Variants in ADARB2 observed in about 807,000 individuals in gnomAD.
ADARB2 encodes inactive double-stranded RNA-specific editase B2.
ADARB2 carries 25 observed loss-of-function variants against 62.2 expected under a neutral mutation model. The ratio of observed to expected loss-of-function variants is 0.40; its 90% CI spans 0.29 to 0.56. The LOEUF (loss-of-function observed/expected upper bound fraction) is 0.56. Among genes scored for constraint, ADARB2 ranks in the 20% least tolerant of loss-of-function variants. The pLI is 0.43. For missense variants in ADARB2, 1,071 were observed against 1,077.4 expected, an observed-to-expected ratio of 0.99 and a Z score of 0.08; for synonymous variants, 572 against 500.8, an observed-to-expected ratio of 1.14 and a Z score of -1.90.
chr10:1,600,334 ATTG>A (rs1179400842), intron 1 of ADARB2, among the ~76,000 whole-genome samples: 1 of 152,052 alleles, frequency 6.6e-6, no homozygotes, highest in African/African-American at 2.4e-5. Flanking sequence ...GTCCAATCCT[ATTG>A]TTAACACCTG....
chr10:1,258,501 T>C lies in ADARB2; in HGVS notation c.1192+12454A>G, dbSNP rs181287236. 1.6e-3 allele frequency among the ~76,000 whole-genome samples: 237 copies of C among 152,322 alleles called. 1 individual carries two copies. The highest frequency in any genetic ancestry group is 1.1e-3 in the Non-Finnish European group (77 of 68,022). On this transcript the variant is annotated intron_variant, in intron 4 of 9. Coordinates refer to ENST00000381312, the MANE Select transcript of ADARB2 (RefSeq NM_018702.4). Reference sequence around the variant, plus strand: ...CAAACAAAGGCAGGGGTTGCAATCCTAGTCTCTAATAAAACAGTCTTTAAA... The same window carrying C: ...CAAACAAAGGCAGGGGTTGCAATCCCAGTCTCTAATAAAACAGTCTTTAAA...
chr10:1,613,277 G>T (rs1833593242), intron 1 of ADARB2, among the ~76,000 whole-genome samples: 1 of 152,176 alleles, frequency 6.6e-6, no homozygotes, highest in African/African-American at 2.4e-5. Flanking sequence ...TGTGTCTTGT[G>T]TGGTCAGTTG....
chr10:1,695,134 C>G (rs1479903005), intron 1 of ADARB2, among the ~76,000 whole-genome samples: 1 of 152,190 alleles, frequency 6.6e-6, no homozygotes, highest in Admixed American at 6.5e-5. Flanking sequence ...GGTTCACTCA[C>G]CACCAGCAGC....
intron 1 of ADARB2, 97 bp from the exon 2 acceptor site, chr10:1,379,257 G>A (rs1022063800): frequency 6.9e-5 from 67 of 972,638 alleles, no homozygotes; most frequent in Non-Finnish European, 9.4e-5. Context: ...GGACAAGGGA[G>A]GTGGAGAGGT....
chr10:1,572,023 G>T (rs1393459303), intron 1 of ADARB2, among the ~76,000 whole-genome samples: 1 of 145,742 alleles, frequency 6.9e-6, no homozygotes, highest in Non-Finnish European at 1.5e-5. Context: ...GGAAAGGTGA[G>T]TAGGCAAGTG....
intron 1 of ADARB2, among the ~76,000 whole-genome samples, chr10:1,598,935 G>T (rs756429880): frequency 2.6e-5 from 4 of 152,230 alleles, no homozygotes; most frequent in African/African-American, 9.6e-5. Context: ...GCCCAGGGCC[G>T]CGGTGCACAC....
chr10:1,614,910 C>CAAAA (rs4002271), intron 1 of ADARB2, among the ~76,000 whole-genome samples: 19,137 of 147,596 alleles, frequency 0.13, 1,306 homozygotes, highest in Non-Finnish European at 0.15. Flanking sequence ...GACTCTGACT[C>CAAAA]AAAAAAAAAT....
intron 1 of ADARB2, among the ~76,000 whole-genome samples, chr10:1,565,338 G>C (rs4622182): frequency 6.6e-6 from 1 of 152,100 alleles, no homozygotes; most frequent in African/African-American, 2.4e-5. Context: ...AACACAGATC[G>C]AATGCGTCTT....
rs1157886982 is a variant in ADARB2, at chr10:1,398,218, C to T, written c.101-19058G>A. ...CTTCCTGGGTCACCATCAGTCTCTC[C>T]CCTCCCGAGTGCAGGCTTCCTGGGT... On this transcript the variant is annotated intron_variant, in intron 1 of 9. Coordinates refer to ENST00000381312, the MANE Select transcript of ADARB2 (RefSeq NM_018702.4). The surrounding 1 kb of genome is among the most constrained non-coding windows in gnomAD (Gnocchi z 4.1). Among the ~76,000 whole-genome samples the T allele has an allele frequency of 6.6e-6, 1 of 151,162 alleles. No individual in the cohort carries two copies. Among genetic ancestry groups the T allele is most frequent in the Non-Finnish European group, 1.5e-5 (1 of 67,814 alleles).
At chr10:1,622,304 A>G (rs1833713080) in intron 1 of ADARB2, among the ~76,000 whole-genome samples, 1 of 152,246 alleles carries the variant, frequency 6.6e-6, no homozygotes. Flanking sequence ...TAGACACAAC[A>G]TAAAAGGCAC....
intron 5 of ADARB2, among the ~76,000 whole-genome samples, chr10:1,241,166 G>A (rs1422137332): frequency 6.6e-6 from 1 of 152,164 alleles, no homozygotes. Context: ...GGTTGAGGTG[G>A]GAGAATTGCT....
At chr10:1,435,967 G>A (rs1830830962) in intron 1 of ADARB2, among the ~76,000 whole-genome samples, 1 of 152,230 alleles carries the variant, frequency 6.6e-6, no homozygotes, top group South Asian at 2.1e-4. Flanking sequence ...TCTTGACAAT[G>A]TTTGTCTTCT....
chr10:1,194,106 T>C (rs2131738655), intron 8 of ADARB2, among the ~76,000 whole-genome samples: 1 of 152,350 alleles, frequency 6.6e-6, no homozygotes, highest in South Asian at 2.1e-4. Flanking sequence ...GTGTGATGGT[T>C]CATTTTATGT....
intron 1 of ADARB2, among the ~76,000 whole-genome samples, chr10:1,455,594 T>C (rs1277446264): frequency 6.6e-6 from 1 of 152,232 alleles, no homozygotes; most frequent in African/African-American, 2.4e-5. Context: ...AAGTTTAATG[T>C]GTTCGATCCA....
intron 1 of ADARB2, among the ~76,000 whole-genome samples, chr10:1,592,379 C>CT (rs1564341071): frequency 2.3e-4 from 11 of 47,448 alleles, no homozygotes; most frequent in Admixed American, 5.2e-4. Flanking sequence ...TGTCACCCAG[C>CT]TCCCTTCGCC....
At chr10:1,699,201 C>A (rs1834788871) in intron 1 of ADARB2, among the ~76,000 whole-genome samples, 2 of 152,030 alleles carry the variant, frequency 1.3e-5, no homozygotes, top group African/African-American at 4.8e-5. Context: ...CTCACCAATA[C>A]ACGCAATCCC....
chr10:1,406,093 G>A (rs1832706189), intron 1 of ADARB2, among the ~76,000 whole-genome samples: 1 of 152,204 alleles, frequency 6.6e-6, no homozygotes, highest in East Asian at 1.9e-4. Flanking sequence ...CCCTTCACCT[G>A]TAGACTTGGG....
chr10:1,653,532 G>C (rs1288291802), intron 1 of ADARB2, among the ~76,000 whole-genome samples: 2 of 150,126 alleles, frequency 1.3e-5, no homozygotes, highest in African/African-American at 5.0e-5. Context: ...GTCTCCACCA[G>C]ACGCCTCGTG....
At chr10:1,405,645 A>T in intron 1 of ADARB2, among the ~76,000 whole-genome samples, 1 of 151,992 alleles carries the variant, frequency 6.6e-6, no homozygotes, top group East Asian at 1.9e-4. Context: ...AAAAAAAAAA[A>T]AAAAAAAATT....
Sources: gnomAD v4.1 joint callset for allele counts (sites outside exome capture counted in the v4.1 genomes callset) on GRCh38, gnomAD v4.1.1 for gene constraint, Gnocchi (gnomAD v3.1) non-coding constraint, MANE v1.5 for transcripts, NCBI Gene and HGNC (gene_info 2026-07-23, HGNC 2026-07-21) for gene names.